DGUOK: variants seen among roughly 807,000 people sequenced by gnomAD.
DGUOK encodes the protein deoxyguanosine kinase, also known as deoxyguanosine kinase, mitochondrial.
DGUOK carries 30 observed loss-of-function variants against 36.6 expected under a neutral mutation model. The observed-to-expected ratio is 0.82, with a 90% CI of 0.61 to 1.11. The LOEUF is 1.11. Ranked by LOEUF, DGUOK falls within the 50% of genes most tolerant of loss-of-function variation. The pLI is 0.00. For missense variants in DGUOK, 361 were observed against 336.4 expected (o/e 1.07, Z -0.57); for synonymous variants, 145 against 126.3 (o/e 1.15, Z -0.99).
chr2:73,958,395 G>T (rs1270413770), intron 6 of DGUOK, 150 bp downstream of exon 6: 4 of 716,184 alleles, frequency 5.6e-6, no homozygotes, highest in Non-Finnish European at 7.6e-6. Flanking sequence ...ATCTTGTGCA[G>T]ATTACAAATA....
chr2:73,943,735 C>T (rs1315952889), intron 2 of DGUOK, among the ~76,000 whole-genome samples: 2 of 151,936 alleles, frequency 1.3e-5, no homozygotes, highest in Admixed American at 6.6e-5. Flanking sequence ...TTGTAACCTC[C>T]GCCTCCCAGG....
chr2:73,936,193 G>A (rs1223601107), intron 1 of DGUOK, among the ~76,000 whole-genome samples: 1 of 152,130 alleles, frequency 6.6e-6, no homozygotes, highest in Non-Finnish European at 1.5e-5. Context: ...AATATTTTAA[G>A]CGAGGGCTTA....
intron 5 of DGUOK, 119 bp from the exon 6 acceptor site, chr2:73,958,027 C>T (rs532477367): frequency 8.8e-6 from 7 of 791,158 alleles, no homozygotes; most frequent in Admixed American, 2.1e-5. Flanking sequence ...CATGCAGTTT[C>T]TTTGAAAAGT....
At chr2:73,955,452 T>C (rs1315413588) in intron 4 of DGUOK, among the ~76,000 whole-genome samples, 1 of 152,236 alleles carries the variant, frequency 6.6e-6, no homozygotes, top group East Asian at 1.9e-4. Flanking sequence ...ATAAAATTTG[T>C]TTCTATAATT....
At chr2:73,943,360 C>A (rs930466566) in intron 2 of DGUOK, among the ~76,000 whole-genome samples, 1 of 148,044 alleles carries the variant, frequency 6.8e-6, no homozygotes, top group Non-Finnish European at 1.5e-5. Flanking sequence ...TAGGGTCTCA[C>A]TTTGCTGCCC....
intron 1 of DGUOK, among the ~76,000 whole-genome samples, chr2:73,931,470 G>C (rs1681032008): frequency 2.0e-5 from 3 of 152,178 alleles, no homozygotes. Flanking sequence ...AAGAGAAGTA[G>C]TTGGATGTGC....
intron 4 of DGUOK, among the ~76,000 whole-genome samples, chr2:73,956,452 GAA>G (rs1384124948): frequency 9.8e-5 from 15 of 152,334 alleles, no homozygotes; most frequent in African/African-American, 3.4e-4. Flanking sequence ...TTTCAGCAAG[GAA>G]AGTCATGTCA....
chr2:73,928,255 A>G (rs1680755012), intron 1 of DGUOK, among the ~76,000 whole-genome samples: 1 of 152,074 alleles, frequency 6.6e-6, no homozygotes, highest in Non-Finnish European at 1.5e-5. Context: ...AGCCTCCCGA[A>G]TAGCTGGGAT....
Position 73,932,504 on chromosome 2 carries a change from A to G in DGUOK, c.142+5452A>G, listed in dbSNP as rs139184368. On this transcript the variant is annotated intron_variant, in intron 1 of 6. Coordinates refer to ENST00000264093, the MANE Select transcript of DGUOK (RefSeq NM_080916.3). ...TGACCAGATTCTTGAATCCTGTGCTATGATATCCATGTGGAAGTTAGGCAT... is the reference window on the plus strand; with the variant it reads ...TGACCAGATTCTTGAATCCTGTGCTGTGATATCCATGTGGAAGTTAGGCAT... The G allele has an allele frequency of 9.5e-5, 64 of 674,686 alleles. 1 individual carries two copies. The East Asian group carries it at 1.5e-3, about 16-fold the overall frequency. The allele number at this position is 674,686 out of a possible 1,614,324, so 41.8% of individuals were successfully genotyped here. A position where few individuals can be genotyped will look rare whatever the true frequency, so the allele number is the denominator to read the frequency against.
chr2:73,948,964 TG>T (rs1202536949), intron 3 of DGUOK, among the ~76,000 whole-genome samples: 1 of 152,238 alleles, frequency 6.6e-6, no homozygotes, highest in Non-Finnish European at 1.5e-5. Context: ...GATCCTTTTT[TG>T]TTTTAAGACA....
At chr2:73,947,101 T>C (rs1682393297) in intron 3 of DGUOK, 195 bp downstream of exon 3, 1 of 646,238 alleles carries the variant, frequency 1.5e-6, no homozygotes, top group Admixed American at 2.5e-5. Context: ...AGAAAGGAAA[T>C]TGGGTTTTTC....
chr2:73,947,449 C>T (rs1414000963), intron 3 of DGUOK, among the ~76,000 whole-genome samples: 1 of 152,096 alleles, frequency 6.6e-6, no homozygotes, highest in Admixed American at 6.6e-5. Context: ...CCCTTTTTGA[C>T]CCCTTCTTCT....
intron 1 of DGUOK, among the ~76,000 whole-genome samples, chr2:73,938,335 C>T (rs1399729177): frequency 6.6e-6 from 1 of 152,142 alleles, no homozygotes; most frequent in African/African-American, 2.4e-5. Context: ...TTTCCTAGCA[C>T]CTAACACAAT....
At chr2:73,944,110 TG>T (rs2104931949) in intron 2 of DGUOK, among the ~76,000 whole-genome samples, 1 of 152,314 alleles carries the variant, frequency 6.6e-6, no homozygotes, top group Admixed American at 6.5e-5. Context: ...ACTGAACTCC[TG>T]GGTTCAAGCA....
chr2:73,938,959 A>G lies in DGUOK; in HGVS notation c.192A>G (p.Glu64=). The change falls in exon 2 of 7, where the codon GAA becomes GAG. Residue 64 remains glutamate, a synonymous_variant. Coordinates refer to ENST00000264093, the MANE Select transcript of DGUOK (RefSeq NM_080916.3). ...AGTTACTCACGAAAACTTACCCAGA[A>G]TGGCACGTAGCTACAGAACCTGTAG... ...FVKLLTKTYP[E]WHVATEPVAT... is the part of the protein sequence containing the mutation. 1 of 1,614,120 alleles carries G rather than the reference A, an allele frequency of 6.2e-7. No homozygotes were observed. The highest frequency in any genetic ancestry group is 1.3e-5 in the African/African-American group (1 of 75,036).
chr2:73,936,175 C>G (rs1233859016), intron 1 of DGUOK, among the ~76,000 whole-genome samples: 1 of 152,208 alleles, frequency 6.6e-6, no homozygotes, highest in Non-Finnish European at 1.5e-5. Flanking sequence ...TATTGACCAT[C>G]TGGGCCAAAT....
intron 1 of DGUOK, among the ~76,000 whole-genome samples, chr2:73,933,690 A>AT (rs1681233411): frequency 6.6e-6 from 1 of 151,852 alleles, no homozygotes; most frequent in Admixed American, 6.6e-5. Flanking sequence ...CTGCTGACTG[A>AT]TTTTTATTAA....
chr2:73,956,203 A>T (rs1304190397), intron 4 of DGUOK, among the ~76,000 whole-genome samples: 1 of 152,232 alleles, frequency 6.6e-6, no homozygotes, highest in East Asian at 1.9e-4. Flanking sequence ...GAATAGAATT[A>T]TGTACACTCT....
intron 2 of DGUOK, among the ~76,000 whole-genome samples, chr2:73,940,784 T>C (rs1681840853): frequency 6.6e-6 from 1 of 152,262 alleles, no homozygotes; most frequent in African/African-American, 2.4e-5. Context: ...GATACAGCTT[T>C]GTAGCCTAGG....
Sources: allele counts gnomAD v4.1 joint callset (sites outside exome capture counted in the v4.1 genomes callset), GRCh38; gene constraint gnomAD v4.1.1; transcripts MANE v1.5; gene names NCBI Gene and HGNC (gene_info 2026-07-23, HGNC 2026-07-21).